SH3BP4: variants seen among roughly 807,000 people sequenced by gnomAD.
SH3BP4 encodes SH3 domain-binding protein 4.
In SH3BP4, 33 loss-of-function variants were observed where a neutral mutation model predicts 65.5. That is an observed-to-expected ratio of 0.50 (90% CI 0.38 to 0.67). The LOEUF (loss-of-function observed/expected upper bound fraction) is 0.67, where lower values mean the gene tolerates loss of function less well. Among genes scored for constraint, SH3BP4 ranks in the 30% least tolerant of loss-of-function variants. The probability of loss-of-function intolerance (pLI) is 0.00; values close to 1 mark genes in which losing one functional copy is unlikely to be tolerated. For synonymous variants in SH3BP4, 552 were observed against 545.5 expected (o/e 1.01, Z -0.17); for missense variants, 1,134 against 1,261.4 (o/e 0.90, Z 1.53).
Position 235,030,202 on chromosome 2 carries a change from A to T in SH3BP4, c.-132-4669A>T, listed in dbSNP as rs1480576641. Reference sequence around the variant, plus strand: ...TTTGAGAAAATCAAGGGCTCACCAGAGGTGGATGGTGAGGAGCTTGAGGAG... The same window carrying T: ...TTTGAGAAAATCAAGGGCTCACCAGTGGTGGATGGTGAGGAGCTTGAGGAG... On this transcript the variant is annotated intron_variant, in intron 2 of 5. Transcript: ENST00000392011. The surrounding 1 kb of genome is among the most constrained non-coding windows in gnomAD (Gnocchi z 4.1). 1.3e-5 allele frequency among the ~76,000 whole-genome samples: 2 copies of T among 152,066 alleles called. No homozygotes were observed. Among genetic ancestry groups the T allele is most frequent in the Non-Finnish European group, 2.9e-5 (2 of 67,996 alleles).
At chr2:235,051,812 C>T (rs777680371) in intron 4 of SH3BP4, among the ~76,000 whole-genome samples, 8 of 152,150 alleles carry the variant, frequency 5.3e-5, no homozygotes, top group Non-Finnish European at 1.2e-4. Context: ...TCAGCAGGTC[C>T]AGCTCGCCCT....
intron 1 of SH3BP4, among the ~76,000 whole-genome samples, chr2:234,987,906 G>A (rs1321647811): frequency 1.3e-5 from 2 of 152,176 alleles, no homozygotes; most frequent in Admixed American, 6.5e-5. Context: ...TGGCCATGGT[G>A]TCTCCTGTGT....
intron 2 of SH3BP4, among the ~76,000 whole-genome samples, chr2:235,011,929 G>C (rs1694521830): frequency 6.6e-6 from 1 of 152,172 alleles, no homozygotes; most frequent in Non-Finnish European, 1.5e-5. Context: ...GTGGGGGATG[G>C]GATTCTGAGA....
intron 4 of SH3BP4, among the ~76,000 whole-genome samples, chr2:235,044,974 C>T (rs571270589): frequency 5.9e-5 from 9 of 152,278 alleles, no homozygotes; most frequent in Admixed American, 2.0e-4. Context: ...GGGGAGGAAG[C>T]GAACAAACGC....
At chr2:234,963,575 A>G (rs10175573) in intron 1 of SH3BP4, among the ~76,000 whole-genome samples, 127,168 of 152,204 alleles carry the variant, frequency 0.84, 53,683 homozygotes, top group Middle Eastern at 0.92. Context: ...GATGCCTTAA[A>G]CGCATACTTC....
chr2:235,032,568 C>T (rs9287584), intron 2 of SH3BP4, among the ~76,000 whole-genome samples: 4,438 of 152,304 alleles, frequency 0.029, 198 homozygotes, highest in African/African-American at 0.1. Context: ...GGCTTGCACA[C>T]GTGGCCCTTG....
Position 235,011,004 on chromosome 2 carries a change from C to A in SH3BP4, c.-133+15628C>A, listed in dbSNP as rs186197987. 1.2e-3 allele frequency among the ~76,000 whole-genome samples: 184 copies of A among 148,928 alleles called. 1 individual carries two copies. Among genetic ancestry groups the A allele is most frequent in the Middle Eastern group, 7.1e-3 (2 of 282 alleles). On this transcript the variant is annotated intron_variant, in intron 2 of 5. Transcript: ENST00000392011. ...GAACCCTTCCTGTCTCTCCTAGAAC[C>A]CTTCCTCCCTCTCCTGAAACCCTTC...
At chr2:235,005,055 C>G (rs1250590508) in intron 2 of SH3BP4, among the ~76,000 whole-genome samples, 1 of 152,220 alleles carries the variant, frequency 6.6e-6, no homozygotes, top group African/African-American at 2.4e-5. Context: ...TAGGTGCCAT[C>G]CGCCTGCAGA....
chr2:235,036,140 A>G (rs1695370915), intron 3 of SH3BP4, among the ~76,000 whole-genome samples: 1 of 152,210 alleles, frequency 6.6e-6, no homozygotes. Context: ...TGTCTAATTG[A>G]GTAGCTTCTC....
At position 234,967,303 on chromosome 2, in the gene SH3BP4, A is replaced by G. The variant is rs949555612; in HGVS notation, c.-207+15133A>G. Among the ~76,000 whole-genome samples the G allele has an allele frequency of 2.6e-5, 4 of 152,066 alleles. No homozygotes were observed. The highest frequency in any genetic ancestry group is 4.4e-5 in the Non-Finnish European group (3 of 67,994). ...AGGATGGGGCTGTGTTGTGGGAGGT[A>G]GGGAACCTGAGGTCGCAGATGACGT... is the stretch of plus-strand genomic sequence containing the variant. On this transcript the variant is annotated intron_variant, in intron 1 of 5. Coordinates refer to ENST00000392011, the MANE Select transcript of SH3BP4 (RefSeq NM_014521.3). This position sits in a 1 kb window ranked among gnomAD's most constrained non-coding sequence, Gnocchi z 4.6.
chr2:235,042,443 G>T lies in SH3BP4; in HGVS notation c.1674G>T (p.Val558=). The T allele has an allele frequency of 6.2e-7, 1 of 1,614,158 alleles. No homozygotes were observed. The highest frequency in any genetic ancestry group is 1.1e-5 in the South Asian group (1 of 91,078). The change falls in exon 4 of 6, where the codon GTG becomes GTT. Residue 558 remains valine (V), a synonymous_variant. Coordinates refer to ENST00000392011, the MANE Select transcript of SH3BP4 (RefSeq NM_014521.3). The surrounding 1 kb of genome is among the most constrained non-coding windows in gnomAD (Gnocchi z 7.3). ...TCAAAGCCAGCGAGCAGGCCAAAGT[G>T]GTGCGAGGATTCCAGCTGAAGCTGG... The part of the protein sequence containing the change: ...YEVKASEQAK[V]VRGFQLKLGK...
chr2:235,025,743 A>C (rs1694980663), intron 2 of SH3BP4, among the ~76,000 whole-genome samples: 1 of 152,264 alleles, frequency 6.6e-6, no homozygotes, highest in South Asian at 2.1e-4. Context: ...CCTAGAGATG[A>C]TGACGGGTGT....
At chr2:235,029,050 T>C (rs1187379669) in intron 2 of SH3BP4, among the ~76,000 whole-genome samples, 1 of 152,184 alleles carries the variant, frequency 6.6e-6, no homozygotes, top group Non-Finnish European at 1.5e-5. Flanking sequence ...TTCAAAATGT[T>C]CCGGCTGCTA....
intron 1 of SH3BP4, among the ~76,000 whole-genome samples, chr2:234,992,817 G>A (rs1404350022): frequency 1.3e-5 from 2 of 150,290 alleles, no homozygotes; most frequent in Non-Finnish European, 3.0e-5. Context: ...TCTGCATCAG[G>A]AGCCCCTAGA....
chr2:234,993,218 G>C (rs1268499511), intron 1 of SH3BP4, among the ~76,000 whole-genome samples: 1 of 152,222 alleles, frequency 6.6e-6, no homozygotes, highest in Non-Finnish European at 1.5e-5. Flanking sequence ...GCTGATGTTC[G>C]GGCCACACGT....
chr2:234,980,933 A>T (rs1187183054), intron 1 of SH3BP4, among the ~76,000 whole-genome samples: 2 of 152,130 alleles, frequency 1.3e-5, no homozygotes, highest in African/African-American at 4.8e-5. Flanking sequence ...TGTGTCGCCC[A>T]GGCTGGAGTG....
intron 4 of SH3BP4, among the ~76,000 whole-genome samples, chr2:235,044,805 G>T (rs758646757): frequency 6.6e-6 from 1 of 152,266 alleles, no homozygotes; most frequent in African/African-American, 2.4e-5. Context: ...AGCCCGGCAG[G>T]AGTGGGGCAG....
intron 2 of SH3BP4, among the ~76,000 whole-genome samples, chr2:235,007,162 G>A (rs1201549821): frequency 1.3e-5 from 2 of 152,058 alleles, no homozygotes; most frequent in African/African-American, 2.4e-5. Context: ...GCAGTTGAGT[G>A]GGAGAGTCCA....
chr2:235,047,531 G>A (rs6711905), intron 4 of SH3BP4, among the ~76,000 whole-genome samples: 88,280 of 152,088 alleles, frequency 0.58, 27,056 homozygotes, highest in East Asian at 0.89. Flanking sequence ...AAGTCATTCA[G>A]CAGCGCCCTT....
Sources: allele counts gnomAD v4.1 joint callset (sites outside exome capture counted in the v4.1 genomes callset), GRCh38; gene constraint gnomAD v4.1.1; non-coding constraint Gnocchi (gnomAD v3.1); transcripts MANE v1.5; gene names NCBI Gene and HGNC (gene_info 2026-07-23, HGNC 2026-07-21).